P2RY8: variants seen among roughly 807,000 people sequenced by gnomAD.
P2RY8 encodes S-geranylgeranyl-glutathione receptor P2RY8.
P2RY8 carries 6 observed loss-of-function variants against 10.0 expected under a neutral mutation model. That is an observed-to-expected ratio of 0.60 (90% CI 0.33 to 1.19). The LOEUF (loss-of-function observed/expected upper bound fraction) is 1.19. Among genes scored for constraint, P2RY8 ranks in the 50% most tolerant of loss-of-function variants. P2RY8 has a pLI of 0.04. For missense variants in P2RY8, 456 were observed against 542.0 expected, an observed-to-expected ratio of 0.84 and a Z score of 1.58; for synonymous variants, 276 against 252.5, an observed-to-expected ratio of 1.09 and a Z score of -0.88.
At chrX:1,529,504 T>G (rs73186969) in intron 1 of P2RY8, among the ~76,000 whole-genome samples, 14,800 of 151,822 alleles carry the variant, frequency 0.097, 821 homozygotes, top group African/African-American at 0.12. Flanking sequence ...AACTGGAGGG[T>G]GTACTCCTGG....
intron 1 of P2RY8, among the ~76,000 whole-genome samples, chrX:1,501,465 G>A (rs1346421824): frequency 1.3e-5 from 2 of 151,984 alleles, no homozygotes; most frequent in African/African-American, 2.4e-5. Context: ...GGCCTGAACC[G>A]ATCCTCCCAC....
At chrX:1,526,629 T>C (rs1371443129) in intron 1 of P2RY8, among the ~76,000 whole-genome samples, 1 of 151,982 alleles carries the variant, frequency 6.6e-6, no homozygotes, top group East Asian at 1.9e-4. Context: ...CATTTATGCA[T>C]CCACTCATTT....
At chrX:1,535,114 C>T (rs1308446620) in intron 1 of P2RY8, among the ~76,000 whole-genome samples, 1 of 151,100 alleles carries the variant, frequency 6.6e-6, no homozygotes, top group Non-Finnish European at 1.5e-5. Flanking sequence ...CATCCTGGTG[C>T]ACGTAGGACG....
Position 1,486,086 on chromosome X carries a change from C to T in P2RY8, c.-24-19504G>A, listed in dbSNP as rs746336071. On this transcript the variant is annotated intron_variant, in intron 1 of 1. Transcript: ENST00000381297. ...ATACAAAATTATCTGGGAGTGGTGG[C>T]AGGCACCTGTCATCCCAGCCACTTG... is the stretch of plus-strand genomic sequence containing the variant. 1.1e-3 allele frequency among the ~76,000 whole-genome samples: 168 copies of T among 152,226 alleles called. 1 individual carries two copies. The highest frequency in any genetic ancestry group is 3.8e-3 in the African/African-American group (159 of 41,532).
chrX:1,466,664 C>T (rs1336064307), intron 1 of P2RY8, 82 bp from the exon 2 acceptor site: 17 of 1,350,990 alleles, frequency 1.3e-5, no homozygotes, highest in Middle Eastern at 2.7e-4. Context: ...GAGCGCCGCT[C>T]CCCGGGGACC....
chrX:1,500,180 T>A (rs1435692296), intron 1 of P2RY8, among the ~76,000 whole-genome samples: 1 of 151,986 alleles, frequency 6.6e-6, no homozygotes, highest in Non-Finnish European at 1.5e-5. Flanking sequence ...TTAATGTTTT[T>A]TTTTAGTTTT....
intron 1 of P2RY8, among the ~76,000 whole-genome samples, chrX:1,532,324 G>A (rs868383516): frequency 1.9e-3 from 9 of 4,672 alleles, no homozygotes; most frequent in Non-Finnish European, 9.0e-3. Context: ...ATACACACAC[G>A]TATATATACA....
intron 1 of P2RY8, among the ~76,000 whole-genome samples, chrX:1,535,702 CACACACACACACAGACACACACACAG>C (rs1243458277): frequency 2.1e-5 from 2 of 95,884 alleles, no homozygotes; most frequent in Non-Finnish European, 4.4e-5. Context: ...ACCACACACA[CACACACACACACAGACACACACACAG>C]ACACACACAC....
intron 1 of P2RY8, among the ~76,000 whole-genome samples, chrX:1,522,030 G>A (rs1242634697): frequency 3.3e-5 from 4 of 121,226 alleles, no homozygotes; most frequent in Non-Finnish European, 6.4e-5. Context: ...TCGGCTCACC[G>A]CAACCTCCGC....
At chrX:1,524,425 C>G (rs1217841751) in intron 1 of P2RY8, among the ~76,000 whole-genome samples, 4,611 of 135,448 alleles carry the variant, frequency 0.034, 429 homozygotes, top group Non-Finnish European at 0.051. Flanking sequence ...ATCCATCCAT[C>G]CATCCATCCA....
chrX:1,466,727 C>A (rs2091685302), intron 1 of P2RY8, 145 bp from the exon 2 acceptor site: 1 of 693,104 alleles, frequency 1.4e-6, no homozygotes, highest in African/African-American at 1.8e-5. Context: ...TCCCTCCCTC[C>A]CTTAGTTCCT....
intron 1 of P2RY8, among the ~76,000 whole-genome samples, chrX:1,493,447 A>AGGAAGG (rs2092084699): frequency 1.3e-5 from 1 of 79,798 alleles, no homozygotes; most frequent in Non-Finnish European, 2.5e-5. Context: ...AAGGAGGAGG[A>AGGAAGG]AGGAGGAAGG....
At chrX:1,518,147 C>G (rs776390138) in intron 1 of P2RY8, among the ~76,000 whole-genome samples, 49 of 150,446 alleles carry the variant, frequency 3.3e-4, no homozygotes, top group African/African-American at 1.2e-3. Flanking sequence ...TAATCTTGGC[C>G]GGGCGCGGTG....
chrX:1,473,422 T>C (rs1293499400), intron 1 of P2RY8, among the ~76,000 whole-genome samples: 1 of 146,814 alleles, frequency 6.8e-6, no homozygotes, highest in East Asian at 2.1e-4. Flanking sequence ...TTTAGATAGA[T>C]GGATGTGTGG....
chrX:1,530,505 A>G (rs1329096242), intron 1 of P2RY8, among the ~76,000 whole-genome samples: 7 of 147,884 alleles, frequency 4.7e-5, no homozygotes, highest in African/African-American at 1.5e-4. Context: ...ATGTATGTAT[A>G]TATGTATCTA....
chrX:1,489,413 A>G (rs2092020026), intron 1 of P2RY8, among the ~76,000 whole-genome samples: 1 of 151,972 alleles, frequency 6.6e-6, no homozygotes, highest in Non-Finnish European at 1.5e-5. Context: ...CCCAGGATTC[A>G]CTTCCGTAAA....
intron 1 of P2RY8, among the ~76,000 whole-genome samples, chrX:1,533,763 T>C (rs1459007692): frequency 8.0e-6 from 1 of 124,278 alleles, no homozygotes; most frequent in Non-Finnish European, 1.6e-5. Context: ...TTATATATTA[T>C]ATACTTATAT....
intron 1 of P2RY8, among the ~76,000 whole-genome samples, chrX:1,469,308 C>A (rs1265515317): frequency 1.3e-5 from 2 of 150,748 alleles, no homozygotes; most frequent in East Asian, 4.0e-4. Flanking sequence ...GGATTACATG[C>A]ATGCACCACC....
chrX:1,535,184 CTTT>C (rs539683722), intron 1 of P2RY8, among the ~76,000 whole-genome samples: 44 of 80,632 alleles, frequency 5.5e-4, no homozygotes, highest in African/African-American at 2.0e-3. Context: ...GGGATAATTC[CTTT>C]TTTTTTTTTT....
Sources: allele counts gnomAD v4.1 joint callset (sites outside exome capture counted in the v4.1 genomes callset), GRCh38; gene constraint gnomAD v4.1.1; transcripts MANE v1.5; gene names NCBI Gene and HGNC (gene_info 2026-07-23, HGNC 2026-07-21).